ALK: variants seen among roughly 807,000 people sequenced by gnomAD.
The protein encoded by ALK is ALK receptor tyrosine kinase, also known as ALK tyrosine kinase receptor.
ALK carries 74 observed loss-of-function variants against 163.1 expected under a neutral mutation model. The observed-to-expected ratio is 0.45, with a 90% CI of 0.38 to 0.55. The LOEUF (loss-of-function observed/expected upper bound fraction) is 0.55, where lower values mean the gene tolerates loss of function less well. ALK is among the 20% of genes least tolerant of loss of function. The pLI is 0.00. For synonymous variants in ALK, 960 were observed against 843.2 expected (o/e 1.14, Z -2.40); for missense variants, 2,063 against 2,105.3 (o/e 0.98, Z 0.39).
chr2:29,441,734 T>C (rs2148082011), intron 4 of ALK, among the ~76,000 whole-genome samples: 1 of 152,318 alleles, frequency 6.6e-6, no homozygotes, highest in Middle Eastern at 3.4e-3. Flanking sequence ...CTCAAGACTT[T>C]GATTTGGGCA....
chr2:29,816,912 A>G (rs546400708), intron 1 of ALK, among the ~76,000 whole-genome samples: 12 of 152,382 alleles, frequency 7.9e-5, no homozygotes, highest in African/African-American at 2.6e-4. Context: ...AGGCTGAGAC[A>G]GGAATATGCA....
intron 1 of ALK, among the ~76,000 whole-genome samples, chr2:29,723,300 G>A (rs1679473670): frequency 6.6e-6 from 1 of 152,132 alleles, no homozygotes; most frequent in Non-Finnish European, 1.5e-5. Context: ...CTCAGCCGAG[G>A]AAGCTCCTCC....
chr2:29,529,697 G>A (rs1191882563), intron 4 of ALK, among the ~76,000 whole-genome samples: 1 of 152,214 alleles, frequency 6.6e-6, no homozygotes, highest in African/African-American at 2.4e-5. Context: ...CCTTTCTGCT[G>A]CCACCTTCTA....
Position 29,542,218 on chromosome 2 carries a change from T to G in ALK, c.953-10102A>C, listed in dbSNP as rs139854712. Among the ~76,000 whole-genome samples the G allele has an allele frequency of 5.1e-4, 78 of 152,298 alleles. 1 individual carries two copies. In the East Asian group the frequency reaches 6.9e-3, roughly 14 times the overall value. On this transcript the variant is annotated intron_variant, in intron 3 of 28. Coordinates refer to ENST00000389048, the MANE Select transcript of ALK (RefSeq NM_004304.5). ...ATCAGTTTTTGTTTTGTTTTGTTTT[T>G]TTTCAGTTTGTCTTTCCAGGAATTT...
intron 1 of ALK, among the ~76,000 whole-genome samples, chr2:29,874,990 T>C (rs957900001): frequency 2.6e-5 from 4 of 152,172 alleles, no homozygotes; most frequent in Non-Finnish European, 4.4e-5. Context: ...AATATAGAAT[T>C]AGCATGTGAT....
intron 1 of ALK, among the ~76,000 whole-genome samples, chr2:29,779,368 C>T (rs1003888463): frequency 6.6e-6 from 1 of 152,130 alleles, no homozygotes; most frequent in Non-Finnish European, 1.5e-5. Context: ...CTGGCTTCTC[C>T]AAGGACACCC....
chr2:29,728,313 G>C (rs1413241388), intron 1 of ALK, among the ~76,000 whole-genome samples: 1 of 152,196 alleles, frequency 6.6e-6, no homozygotes, highest in Non-Finnish European at 1.5e-5. Context: ...CAAGGTTCTG[G>C]AGCCAAAAGG....
chr2:29,262,618 A>G (rs1665117281), intron 11 of ALK, among the ~76,000 whole-genome samples: 1 of 152,270 alleles, frequency 6.6e-6, no homozygotes, highest in South Asian at 2.1e-4. Context: ...TTCTCTAGAC[A>G]GGCAGAGTGC....
At chr2:29,294,660 CTG>C (rs1250050776) in intron 9 of ALK, among the ~76,000 whole-genome samples, 1 of 152,220 alleles carries the variant, frequency 6.6e-6, no homozygotes, top group Non-Finnish European at 1.5e-5. Context: ...TATTAATACT[CTG>C]TGTAGACTCT....
intron 1 of ALK, among the ~76,000 whole-genome samples, chr2:29,742,246 C>A (rs1573599530): frequency 1.3e-5 from 2 of 152,224 alleles, no homozygotes; most frequent in East Asian, 3.9e-4. Flanking sequence ...CTAAGGCAGG[C>A]TTGCTGATAA....
chr2:29,440,318 A>ATT lies in ALK; in HGVS notation c.1155-56461_1155-56460dup, dbSNP rs1553315937. On this transcript the variant is annotated intron_variant, in intron 4 of 28. Coordinates refer to ENST00000389048, the MANE Select transcript of ALK (RefSeq NM_004304.5). ...GTTACGTAGGTTACGTGATGAATCA[A>ATT]TTTTTTTTTTTTTTTTTTGAGACGG... Among the ~76,000 whole-genome samples the ATT allele has an allele frequency of 8.4e-5, 7 of 83,152 alleles. 1 individual carries two copies. The highest frequency in any genetic ancestry group is 1.5e-4 in the Non-Finnish European group (5 of 33,884). The allele number at this position is 83,152 out of a possible 152,430, so 54.6% of individuals were successfully genotyped here.
chr2:29,794,030 T>C (rs1314672490), intron 1 of ALK, among the ~76,000 whole-genome samples: 2 of 152,176 alleles, frequency 1.3e-5, no homozygotes, highest in Admixed American at 6.5e-5. Flanking sequence ...AAGTCCTAAG[T>C]GTCATCTTCT....
chr2:29,308,416 C>A (rs1666591356), intron 8 of ALK, among the ~76,000 whole-genome samples: 1 of 152,094 alleles, frequency 6.6e-6, no homozygotes, highest in East Asian at 1.9e-4. Context: ...TCAGAGAAAG[C>A]AATAAATGCT....
At chr2:29,861,930 C>A (rs4666284) in intron 1 of ALK, among the ~76,000 whole-genome samples, 108,074 of 152,036 alleles carry the variant, frequency 0.71, 39,085 homozygotes, top group Non-Finnish European at 0.78. Context: ...TCATTCACCA[C>A]GATCAAGTGG....
chr2:29,209,329 T>A (rs1669399687), intron 25 of ALK, among the ~76,000 whole-genome samples: 2 of 151,792 alleles, frequency 1.3e-5, no homozygotes, highest in African/African-American at 4.8e-5. Flanking sequence ...TCACCTGAGG[T>A]TGGGAGTTTG....
intron 1 of ALK, among the ~76,000 whole-genome samples, chr2:29,869,125 T>C (rs1355801929): frequency 6.6e-6 from 1 of 152,180 alleles, no homozygotes; most frequent in Non-Finnish European, 1.5e-5. Flanking sequence ...CAAGACATTT[T>C]CACTGTACCC....
intron 4 of ALK, among the ~76,000 whole-genome samples, chr2:29,388,424 G>A (rs1669084686): frequency 6.6e-6 from 1 of 152,184 alleles, no homozygotes; most frequent in Non-Finnish European, 1.5e-5. Flanking sequence ...ACTTTTCAAA[G>A]GAATGCCTTT....
intron 3 of ALK, among the ~76,000 whole-genome samples, chr2:29,689,127 C>T (rs1678321004): frequency 6.6e-6 from 1 of 150,442 alleles, no homozygotes; most frequent in South Asian, 2.1e-4. Context: ...AACCCATACA[C>T]ATGTAGGTGT....
At chr2:29,508,304 G>A (rs568691841) in intron 4 of ALK, among the ~76,000 whole-genome samples, 1 of 152,214 alleles carries the variant, frequency 6.6e-6, no homozygotes, top group South Asian at 2.1e-4. Context: ...AGCAGTATAG[G>A]CGTCAGCTTG....
Sources: gnomAD v4.1 joint callset for allele counts (sites outside exome capture counted in the v4.1 genomes callset) on GRCh38, gnomAD v4.1.1 for gene constraint, MANE v1.5 for transcripts, NCBI Gene and HGNC (gene_info 2026-07-23, HGNC 2026-07-21) for gene names.